Variants in PPIL6 observed in about 807,000 individuals in gnomAD.
PPIL6 encodes the protein peptidylprolyl isomerase like 6.
Under a neutral mutation model 36.8 loss-of-function variants are expected in PPIL6, and 39 were observed. The ratio of observed to expected loss-of-function variants is 1.06; its 90% CI spans 0.82 to 1.38. The LOEUF is 1.38. Among genes scored for constraint, PPIL6 ranks in the 40% most tolerant of loss-of-function variants. PPIL6 has a pLI of 0.00. For missense variants in PPIL6, 368 were observed against 379.1 expected (o/e 0.97, Z 0.24); for synonymous variants, 123 against 134.1 (o/e 0.92, Z 0.57).
upstream of PPIL6, chr6:109,441,028 G>C (rs1462068553): frequency 4.6e-6 from 6 of 1,304,070 alleles, no homozygotes; most frequent in East Asian, 1.2e-4. Context: ...AAGAAGGAAC[G>C]GTCTGGGGAG....
At chr6:109,426,712 G>C (rs1582582507) in intron 5 of PPIL6, 135 bp downstream of exon 5, 1 of 497,564 alleles carries the variant, frequency 2.0e-6, no homozygotes. Context: ...TCATTATTTG[G>C]CTATATAAAG....
intron 3 of PPIL6, among the ~76,000 whole-genome samples, chr6:109,427,549 G>A (rs146231326): frequency 2.6e-5 from 4 of 152,104 alleles, no homozygotes; most frequent in African/African-American, 9.6e-5. Context: ...ACCAGGCCCA[G>A]CTAATTTTTG....
intron 6 of PPIL6, among the ~76,000 whole-genome samples, chr6:109,415,259 T>C (rs1773198432): frequency 6.6e-6 from 1 of 152,220 alleles, no homozygotes; most frequent in South Asian, 2.1e-4. Flanking sequence ...ATTCCACTCT[T>C]TGCTTTAGTT....
chr6:109,422,986 TAA>T (rs1226010218), intron 5 of PPIL6, among the ~76,000 whole-genome samples: 1 of 152,230 alleles, frequency 6.6e-6, no homozygotes, highest in African/African-American at 2.4e-5. Context: ...CGCTCATTCT[TAA>T]AGAGTCTCTC....
intron 6 of PPIL6, among the ~76,000 whole-genome samples, chr6:109,410,919 T>C (rs1240865658): frequency 6.6e-6 from 1 of 152,078 alleles, no homozygotes; most frequent in Non-Finnish European, 1.5e-5. Flanking sequence ...GGGAAAAATA[T>C]CTCTCTAGAC....
At chr6:109,437,321 T>A (rs1454194443) in intron 1 of PPIL6, among the ~76,000 whole-genome samples, 1 of 152,186 alleles carries the variant, frequency 6.6e-6, no homozygotes, top group Admixed American at 6.5e-5. Context: ...GGTCCTGTCA[T>A]GGTCCAAAAG....
At chr6:109,395,607 C>CTTTTT (rs765163208) in intron 7 of PPIL6, among the ~76,000 whole-genome samples, 1 of 111,118 alleles carries the variant, frequency 9.0e-6, no homozygotes, top group African/African-American at 3.1e-5. Flanking sequence ...ACTCTAACTT[C>CTTTTT]TTTTTTTTTT....
rs1338199704 is a variant in PPIL6 at position 109,440,555 on chromosome 6, A to G, written c.36T>C (p.Ala12=). The part of the protein sequence containing the change: ...ARPQPCGPPH[A]RCGSPSLPER... ...CCGGCAGCGACGGCGAGCCGCACCT[A>G]GCGTGCGGGGGCCCGCACGGCTGCG... Residue 12 remains alanine, a synonymous_variant, in exon 1 of 8, where the codon GCT becomes GCC. Coordinates refer to ENST00000521072, the MANE Select transcript of PPIL6 (RefSeq NM_173672.5). 4 of 1,474,674 alleles carry G rather than the reference A, an allele frequency of 2.7e-6. No homozygotes were observed. Among genetic ancestry groups the G allele is most frequent in the Non-Finnish European group, 3.6e-6 (4 of 1,114,758 alleles). 91.3% of individuals were successfully genotyped at this position (1,474,674 alleles called of 1,614,324 possible).
chr6:109,401,909 G>A (rs1772562276), intron 6 of PPIL6, among the ~76,000 whole-genome samples: 1 of 151,734 alleles, frequency 6.6e-6, no homozygotes, highest in African/African-American at 2.4e-5. Flanking sequence ...ATTTTTAGTG[G>A]AAACAGGGTT....
At chr6:109,395,831 C>CTTTT (rs35305087) in intron 7 of PPIL6, among the ~76,000 whole-genome samples, 2 of 106,588 alleles carry the variant, frequency 1.9e-5, no homozygotes, top group African/African-American at 7.8e-5. Context: ...GTCTCGATCT[C>CTTTT]TTTTTTTTTT....
At chr6:109,399,919 G>T in intron 7 of PPIL6, 116 bp downstream of exon 7, 2 of 674,554 alleles carry the variant, frequency 3.0e-6, no homozygotes, top group Non-Finnish European at 2.2e-6. Flanking sequence ...TATTATTTTT[G>T]CATTTAAGCC....
chr6:109,404,296 CA>C (rs1772688266), intron 6 of PPIL6, among the ~76,000 whole-genome samples: 3 of 152,190 alleles, frequency 2.0e-5, no homozygotes. Context: ...CCTCCGAGCA[CA>C]AAGCATTTGG....
At chr6:109,429,432 AG>A in intron 3 of PPIL6, among the ~76,000 whole-genome samples, 1 of 152,254 alleles carries the variant, frequency 6.6e-6, no homozygotes, top group Admixed American at 6.5e-5. Flanking sequence ...ATCTTTCTTT[AG>A]GATCTATTGG....
chr6:109,434,205 CCT>C (rs1287485104), intron 2 of PPIL6, among the ~76,000 whole-genome samples: 4 of 152,158 alleles, frequency 2.6e-5, no homozygotes, highest in African/African-American at 9.7e-5. Context: ...CTAGGAAACC[CCT>C]CAGTCCCAGG....
At chr6:109,397,208 GGCAGAATA>G (rs140963864) in intron 7 of PPIL6, among the ~76,000 whole-genome samples, 45,963 of 150,814 alleles carry the variant, frequency 0.3, 7,145 homozygotes, top group Middle Eastern at 0.42. Context: ...TCATACTTGA[GGCAGAATA>G]GCAGAATAGA....
At chr6:109,412,269 C>T (rs1773046824) in intron 6 of PPIL6, among the ~76,000 whole-genome samples, 1 of 152,218 alleles carries the variant, frequency 6.6e-6, no homozygotes, top group East Asian at 1.9e-4. Flanking sequence ...GGTAGCTCTG[C>T]TCTGCAGGAG....
chr6:109,437,326 C>G (rs746644275), intron 1 of PPIL6, among the ~76,000 whole-genome samples: 3 of 152,136 alleles, frequency 2.0e-5, no homozygotes, highest in Non-Finnish European at 4.4e-5. Context: ...TGTCATGGTC[C>G]AAAAGAGGGT....
chr6:109,431,359 G>GAAAAAAAA lies in PPIL6; in HGVS notation c.232-15_232-14insTTTTTTTT. On this transcript the variant is annotated splice_polypyrimidine_tract_variant and intron_variant, in intron 2 of 7. Coordinates refer to ENST00000521072, the MANE Select transcript of PPIL6 (RefSeq NM_173672.5). ...ATTTTTGAGTTCCTGTAAGGGAAAAGGACAAAAAAAAAAAAAAACGTAAGA... is the reference window on the plus strand; with the variant it reads ...ATTTTTGAGTTCCTGTAAGGGAAAAGAAAAAAAAGACAAAAAAAAAAAAAAACGTAAGA... 8.2e-7 allele frequency: 1 copy of GAAAAAAAA among 1,223,826 alleles called. No individual in the cohort carries two copies. The highest frequency in any genetic ancestry group is 2.9e-5 in the African/African-American group (1 of 33,940). The allele number at this position is 1,223,826 out of a possible 1,614,324, so 75.8% of individuals were successfully genotyped here.
At chr6:109,439,647 T>C (rs1774682653) in intron 1 of PPIL6, among the ~76,000 whole-genome samples, 1 of 152,210 alleles carries the variant, frequency 6.6e-6, no homozygotes, top group Admixed American at 6.5e-5. Flanking sequence ...ATCTTCTATT[T>C]GGGAACATTT....
Sources: allele counts gnomAD v4.1 joint callset (sites outside exome capture counted in the v4.1 genomes callset), GRCh38; gene constraint gnomAD v4.1.1; transcripts MANE v1.5; gene names NCBI Gene and HGNC (gene_info 2026-07-23, HGNC 2026-07-21).